WDR7: variants seen among roughly 807,000 people sequenced by gnomAD.
WDR7 encodes WD repeat domain 7.
WDR7 carries 46 observed loss-of-function variants against 169.4 expected under a neutral mutation model. That is an observed-to-expected ratio of 0.27 (90% CI 0.21 to 0.35). The LOEUF (loss-of-function observed/expected upper bound fraction) is 0.35. Among genes scored for constraint, WDR7 ranks in the 10% least tolerant of loss-of-function variants. The pLI is 1.00. For missense variants in WDR7, 1,534 were observed against 1,859.3 expected, an observed-to-expected ratio of 0.83 and a Z score of 3.22; for synonymous variants, 612 against 666.8, an observed-to-expected ratio of 0.92 and a Z score of 1.27.
rs985943830 is a variant in WDR7, at chr18:57,008,643, A to G, written c.4165-12102A>G. On this transcript the variant is annotated intron_variant, in intron 26 of 27. Transcript: ENST00000254442. ...TCCTTTAAAGCTCAGTTCAAATACA[A>G]CCTTCTCTCTGTACCTTTTTCTGAC... Among the ~76,000 whole-genome samples, 5 of 152,060 alleles carry G rather than the reference A, an allele frequency of 3.3e-5. No individual in the cohort carries two copies. In the South Asian group the frequency reaches 6.3e-4, roughly 19 times the overall value.
chr18:56,928,025 C>T (rs909167148), intron 22 of WDR7, among the ~76,000 whole-genome samples: 8 of 152,006 alleles, frequency 5.3e-5, no homozygotes, highest in Non-Finnish European at 1.2e-4. Context: ...ATGAAGAGAG[C>T]GGGGGAAGGA....
At position 56,844,605 on chromosome 18, in the gene WDR7, G is replaced by A. The variant is rs540751866; in HGVS notation, c.3304+28461G>A. 3.9e-5 allele frequency among the ~76,000 whole-genome samples: 6 copies of A among 152,276 alleles called. No individual in the cohort carries two copies. The East Asian group carries it at 7.7e-4, about 20-fold the overall frequency. The stretch of plus-strand genomic sequence containing the variant: ...TTGCTTTAAATTTTAAATGCTTATG[G>A]TAAGAGAATAAAGAGCTACCGCTCT... On this transcript the variant is annotated intron_variant, in intron 20 of 27. Coordinates refer to ENST00000254442, the MANE Select transcript of WDR7 (RefSeq NM_015285.3).
chr18:56,946,297 A>G (rs1395512643), intron 25 of WDR7, among the ~76,000 whole-genome samples: 2 of 152,204 alleles, frequency 1.3e-5, no homozygotes, highest in Non-Finnish European at 2.9e-5. Context: ...GGGAGTGCAT[A>G]AGAACATGGT....
chr18:56,918,608 G>T (rs1346535107), intron 21 of WDR7, among the ~76,000 whole-genome samples: 1 of 151,888 alleles, frequency 6.6e-6, no homozygotes, highest in East Asian at 1.9e-4. Flanking sequence ...GAAATAGTAA[G>T]ACCATACCGC....
At chr18:56,776,647 T>G (rs1479538676) in intron 16 of WDR7, 135 bp from the exon 17 acceptor site, 3 of 714,160 alleles carry the variant, frequency 4.2e-6, no homozygotes, top group South Asian at 1.7e-5. Flanking sequence ...GCCTTTCTGA[T>G]GAAAACATCG....
intron 25 of WDR7, among the ~76,000 whole-genome samples, chr18:56,940,118 A>G (rs2047014513): frequency 6.6e-6 from 1 of 152,130 alleles, no homozygotes; most frequent in South Asian, 2.1e-4. Flanking sequence ...CGTTAGAAAT[A>G]GTATTTAAAT....
intron 19 of WDR7, among the ~76,000 whole-genome samples, chr18:56,808,738 C>T (rs2044818313): frequency 6.6e-6 from 1 of 152,056 alleles, no homozygotes; most frequent in African/African-American, 2.4e-5. Context: ...AATTTACAAG[C>T]TTATGAAAGA....
At chr18:56,881,791 G>C (rs2145486532) in intron 21 of WDR7, among the ~76,000 whole-genome samples, 1 of 152,104 alleles carries the variant, frequency 6.6e-6, no homozygotes, top group African/African-American at 2.4e-5. Flanking sequence ...TCCCCATGTT[G>C]GCCAGGCTGG....
intron 12 of WDR7, among the ~76,000 whole-genome samples, chr18:56,711,928 G>A (rs908116708): frequency 6.6e-6 from 1 of 152,040 alleles, no homozygotes; most frequent in Non-Finnish European, 1.5e-5. Flanking sequence ...TGATTTATGA[G>A]CAAAAGAAAC....
At chr18:56,809,075 C>A (rs2044824895) in intron 19 of WDR7, among the ~76,000 whole-genome samples, 1 of 152,010 alleles carries the variant, frequency 6.6e-6, no homozygotes, top group African/African-American at 2.4e-5. Context: ...CCACTCCATT[C>A]CCCCTCTGCC....
chr18:56,803,946 C>T (rs2044722706), intron 19 of WDR7, among the ~76,000 whole-genome samples: 1 of 152,172 alleles, frequency 6.6e-6, no homozygotes, highest in African/African-American at 2.4e-5. Context: ...CAGGTGTGCA[C>T]CACTGTGCCC....
chr18:56,849,786 A>G (rs2045616068), intron 20 of WDR7, among the ~76,000 whole-genome samples: 2 of 152,196 alleles, frequency 1.3e-5, no homozygotes, highest in Admixed American at 1.3e-4. Flanking sequence ...AAAAAACAAG[A>G]TGAAGTCTCA....
At chr18:56,693,573 G>GTTTTTTTT (rs1254201598) in intron 9 of WDR7, among the ~76,000 whole-genome samples, 1 of 54,480 alleles carries the variant, frequency 1.8e-5, no homozygotes, top group Non-Finnish European at 3.4e-5. Flanking sequence ...TTTTTTTTTT[G>GTTTTTTTT]TTTTTTTTTT....
chr18:56,787,664 A>G (rs140135701), intron 19 of WDR7, among the ~76,000 whole-genome samples: 1 of 152,286 alleles, frequency 6.6e-6, no homozygotes, highest in African/African-American at 2.4e-5. Context: ...AGACACTCCT[A>G]GTAAATGTTT....
intron 1 of WDR7, among the ~76,000 whole-genome samples, chr18:56,655,428 C>T (rs1359773150): frequency 6.6e-6 from 1 of 151,888 alleles, no homozygotes; most frequent in East Asian, 1.9e-4. Flanking sequence ...AGTTTGAGAC[C>T]AGCAACATGT....
In WDR7 at chr18:56,749,781, CTT is replaced by C. The variant is rs138088337; in HGVS notation, c.1990-6800_1990-6799del. ...ATTATTGCCATTGTTTTACGTTTCT[CTT>C]TGTCACAGGATAAAATGAAATACAC... On this transcript the variant is annotated intron_variant, in intron 14 of 27. Transcript: ENST00000254442. Among the ~76,000 whole-genome samples, 536 of 151,842 alleles carry C rather than the reference CTT, an allele frequency of 3.5e-3. 4 individuals carry two copies. The highest frequency in any genetic ancestry group is 0.012 in the African/African-American group (508 of 41,412).
intron 20 of WDR7, among the ~76,000 whole-genome samples, chr18:56,855,584 C>T (rs570439286): frequency 3.5e-4 from 54 of 152,204 alleles, no homozygotes; most frequent in Non-Finnish European, 6.5e-4. Context: ...CATTTTGATT[C>T]ATATAAATAA....
chr18:56,688,597 C>T (rs62101684), intron 7 of WDR7, among the ~76,000 whole-genome samples: 2,581 of 151,528 alleles, frequency 0.017, 29 homozygotes, highest in East Asian at 0.038. Flanking sequence ...TGCATGGTGA[C>T]GCACACCTGT....
intron 9 of WDR7, 146 bp downstream of exon 9, chr18:56,691,963 T>TAAGG: frequency 1.8e-6 from 1 of 546,026 alleles, no homozygotes; most frequent in Non-Finnish European, 3.0e-6. Context: ...TGGTCAGTTA[T>TAAGG]AAGGACATTT....
Sources: gnomAD v4.1 joint callset for allele counts (sites outside exome capture counted in the v4.1 genomes callset) on GRCh38, gnomAD v4.1.1 for gene constraint, MANE v1.5 for transcripts, NCBI Gene and HGNC (gene_info 2026-07-23, HGNC 2026-07-21) for gene names.